The following CES4A variants were observed in gnomAD, a reference collection of about 807,000 sequenced individuals.
The protein encoded by CES4A is carboxylesterase 4A.
CES4A carries 48 observed loss-of-function variants against 65.4 expected under a neutral mutation model. That is an observed-to-expected ratio of 0.73 (90% CI 0.58 to 0.93). The LOEUF (loss-of-function observed/expected upper bound fraction) is 0.93, where lower values mean the gene tolerates loss of function less well. CES4A is among the 40% of genes least tolerant of loss of function. CES4A has a pLI of 0.00. For missense variants in CES4A, 685 were observed against 728.5 expected (o/e 0.94, Z 0.69); for synonymous variants, 247 against 281.8 (o/e 0.88, Z 1.24).
At chr16:67,002,040 G>A (rs920741207) in intron 5 of CES4A, among the ~76,000 whole-genome samples, 5 of 152,194 alleles carry the variant, frequency 3.3e-5, no homozygotes, top group Admixed American at 1.3e-4. Context: ...CTTATGTGTC[G>A]TCATCCATGT....
chr16:67,001,609 C>T lies in CES4A; in HGVS notation c.690+148C>T. The T allele has an allele frequency of 1.1e-6, 1 of 919,380 alleles. No homozygotes were observed. Among genetic ancestry groups the T allele is most frequent in the Non-Finnish European group, 1.6e-6 (1 of 630,460 alleles). The allele number at this position is 919,380 out of a possible 1,614,324, so 57.0% of individuals were successfully genotyped here. On this transcript the variant is annotated intron_variant, in intron 5 of 13. Coordinates refer to ENST00000648724, the Ensembl canonical transcript of CES4A. This position sits in a 1 kb window ranked among gnomAD's most constrained non-coding sequence, Gnocchi z 4.1. Reference sequence around the variant, plus strand: ...GCTCTCGCCCCTGCCAAGGGTACAGCCCCTCATAGCCAAGGATGTCTCCTC... The same window carrying T: ...GCTCTCGCCCCTGCCAAGGGTACAGTCCCTCATAGCCAAGGATGTCTCCTC...
Position 67,005,480 on chromosome 16 carries a change from C to G in CES4A, c.1315+87C>G, listed in dbSNP as rs550014978. On this transcript the variant is annotated intron_variant, in intron 11 of 13. Transcript: ENST00000648724. ...CCAACTGGGCTTATCGACTGCTCCC[C>G]TACCCTCTCTGTACTTCTGGGCTAG... 19 of 1,273,724 alleles carry G rather than the reference C, an allele frequency of 1.5e-5. No individual in the cohort carries two copies. In the East Asian group the frequency reaches 1.9e-4, roughly 13 times the overall value. 78.9% of individuals were successfully genotyped at this position (1,273,724 alleles called of 1,614,324 possible). A position where few individuals can be genotyped will look rare whatever the true frequency, so the allele number is the denominator to read the frequency against.
chr16:67,001,400 G>A lies in CES4A; in HGVS notation c.629G>A (p.Gly210Glu), dbSNP rs1382020064. ...CAGGAGAACATCGCAGCCTTCGGGG[G>A]AGACCCAGGAAATGTGACCCTGTTC... Residue 210 changes from glycine (G) to glutamate (E), a missense_variant, in exon 5 of 14, where the codon GGA becomes GAA. Coordinates refer to ENST00000648724, the Ensembl canonical transcript of CES4A. The surrounding 1 kb of genome is among the most constrained non-coding windows in gnomAD (Gnocchi z 4.1). 1 of 1,613,748 alleles carries A rather than the reference G, an allele frequency of 6.2e-7. No individual in the cohort carries two copies. Among genetic ancestry groups the A allele is most frequent in the Non-Finnish European group, 8.5e-7 (1 of 1,179,898 alleles).
chr16:67,007,351 C>G (rs1965845455), intron 13 of CES4A: 1 of 152,324 alleles, frequency 6.6e-6, no homozygotes, highest in Non-Finnish European at 1.5e-5. Context: ...TCCCAGCTCA[C>G]TGCAATCTCC....
chr16:67,000,383 C>A lies in CES4A; in HGVS notation c.261-255C>A. Reference sequence around the variant, plus strand: ...AGGCAGGTTCCTGCCTTGACAGCACCAACAGGAGCAGGAATCTCTCCACGG... The same window carrying A: ...AGGCAGGTTCCTGCCTTGACAGCACAAACAGGAGCAGGAATCTCTCCACGG... On this transcript the variant is annotated intron_variant, in intron 2 of 13. Transcript: ENST00000648724. This position sits in a 1 kb window ranked among gnomAD's most constrained non-coding sequence, Gnocchi z 4.2. 1 of 784,858 alleles carries A rather than the reference C, an allele frequency of 1.3e-6. No individual in the cohort carries two copies. The highest frequency in any genetic ancestry group is 1.5e-6 in the Non-Finnish European group (1 of 647,106). 48.6% of individuals were successfully genotyped at this position (784,858 alleles called of 1,614,324 possible).
intron 12 of CES4A, 88 bp from the exon 13 acceptor site, chr16:67,006,657 C>A: frequency 6.5e-7 from 1 of 1,543,436 alleles, no homozygotes; most frequent in Non-Finnish European, 8.9e-7. Flanking sequence ...AAGTCTTCTG[C>A]TCCGGAAGCA....
intron 1 of CES4A, among the ~76,000 whole-genome samples, chr16:66,994,817 C>CGATAGAG: frequency 7.5e-6 from 1 of 133,990 alleles, no homozygotes; most frequent in Non-Finnish European, 1.5e-5. Flanking sequence ...CCAGCCTGGG[C>CGATAGAG]AAAAACAGCG....
intron 11 of CES4A, 62 bp downstream of exon 11, chr16:67,005,455 C>T: frequency 6.5e-7 from 1 of 1,529,092 alleles, no homozygotes; most frequent in Non-Finnish European, 8.9e-7. Context: ...GTGCTGTTTA[C>T]CAACTGGGCT....
At position 67,003,396 on chromosome 16, in the gene CES4A, C is replaced by T. The variant is rs1229798840; in HGVS notation, c.900+36C>T. 1 of 1,604,748 alleles carries T rather than the reference C, an allele frequency of 6.2e-7. No individual in the cohort carries two copies. Among genetic ancestry groups the T allele is most frequent in the Non-Finnish European group, 8.5e-7 (1 of 1,171,754 alleles). On this transcript the variant is annotated intron_variant, in intron 7 of 13. Coordinates refer to ENST00000648724, the Ensembl canonical transcript of CES4A. This position sits in a 1 kb window ranked among gnomAD's most constrained non-coding sequence, Gnocchi z 4.2. ...CATTCCAGCTGCCTGACCTGGCTGCCTGAGGGCCATCCTCCTATCCTGGTA... is the reference window on the plus strand; with the variant it reads ...CATTCCAGCTGCCTGACCTGGCTGCTTGAGGGCCATCCTCCTATCCTGGTA...
intron 1 of CES4A, among the ~76,000 whole-genome samples, chr16:66,993,265 A>G (rs1370262140): frequency 6.6e-6 from 1 of 152,208 alleles, no homozygotes; most frequent in Non-Finnish European, 1.5e-5. Context: ...TCACCTATGT[A>G]CAACTGCACT....
chr16:67,004,318 C>T, intron 9 of CES4A, 94 bp downstream of exon 9: 1 of 1,401,966 alleles, frequency 7.1e-7, no homozygotes, highest in Non-Finnish European at 9.9e-7. Flanking sequence ...TGCTGGGCAC[C>T]AGGTCAGATG....
chr16:67,005,079 G>T, intron 10 of CES4A, 161 bp from the exon 11 acceptor site: 1 of 825,244 alleles, frequency 1.2e-6, no homozygotes, highest in Non-Finnish European at 2.0e-6. Flanking sequence ...AAAATCAGGG[G>T]TTACAATCAG....
exon 14 of CES4A, chr16:67,009,133 G>A (rs1965996246): frequency 2.5e-6 from 4 of 1,612,736 alleles, no homozygotes; most frequent in Non-Finnish European, 3.4e-6. Flanking sequence ...AGAAGCAGAG[G>A]CAATTCTAAG....
intron 9 of CES4A, 128 bp downstream of exon 9, chr16:67,004,352 C>T: frequency 9.7e-7 from 1 of 1,034,698 alleles, no homozygotes; most frequent in African/African-American, 1.6e-5. Context: ...TGTGGATGCC[C>T]TATGTTTGGG....
At chr16:67,004,823 A>T (rs2145654000) in exon 10 of CES4A, 1 of 1,536,080 alleles carries the variant, frequency 6.5e-7, no homozygotes, top group South Asian at 1.2e-5. Context: ...CCGGCAGGCG[A>T]TGAGAAAGGA....
In CES4A at chr16:67,003,155, AC is replaced by A. The variant is rs1965487192; in HGVS notation, c.779del (p.Pro260HisfsTer2). The A allele has an allele frequency of 6.2e-7, 1 of 1,613,922 alleles. No individual in the cohort carries two copies. Among genetic ancestry groups the A allele is most frequent in the African/African-American group, 1.3e-5 (1 of 74,894 alleles). On this transcript the variant is annotated frameshift_variant, in exon 6 of 14. Coordinates refer to ENST00000648724, the Ensembl canonical transcript of CES4A. LOFTEE classifies it high-confidence loss of function. This position sits in a 1 kb window ranked among gnomAD's most constrained non-coding sequence, Gnocchi z 4.2. Reference sequence around the variant, plus strand: ...TTATTCAGACTTTTCATCACTAGTAACCCACTGAAAGTGGCCAAGGTGAGTG... The same window carrying A: ...TTATTCAGACTTTTCATCACTAGTAACCACTGAAAGTGGCCAAGGTGAGTG...
rs772637227 is a variant in CES4A at position 67,004,906 on chromosome 16, C to T, written c.1161+33C>T. On this transcript the variant is annotated intron_variant, in intron 10 of 13. Coordinates refer to ENST00000648724, the Ensembl canonical transcript of CES4A. ...ACCCAGCTGGCAGGGGTGCTCAGTT[C>T]GGACAGGGTTGACCCCCCTGTTTTT... 30 of 1,497,578 alleles carry T rather than the reference C, an allele frequency of 2.0e-5. No homozygotes were observed. The Admixed American group carries it at 3.1e-4, about 16-fold the overall frequency. The allele number at this position is 1,497,578 out of a possible 1,614,324, so 92.8% of individuals were successfully genotyped here. A position where few individuals can be genotyped will look rare whatever the true frequency, so the allele number is the denominator to read the frequency against.
At chr16:66,988,635 G>C (rs377689847) in exon 1 of CES4A, 1 of 1,485,244 alleles carries the variant, frequency 6.7e-7, no homozygotes, top group East Asian at 2.5e-5. Context: ...AATTCCTCCC[G>C]CCCCAGTACT....
At chr16:66,998,451 T>C (rs534711312) in intron 2 of CES4A, among the ~76,000 whole-genome samples, 2 of 151,982 alleles carry the variant, frequency 1.3e-5, no homozygotes, top group African/African-American at 4.8e-5. Flanking sequence ...TTATCCGGTG[T>C]GATGGTGCGT....
Sources: allele counts gnomAD v4.1 joint callset (sites outside exome capture counted in the v4.1 genomes callset), GRCh38; gene constraint gnomAD v4.1.1; non-coding constraint Gnocchi (gnomAD v3.1); transcripts MANE v1.5; gene names NCBI Gene and HGNC (gene_info 2026-07-23, HGNC 2026-07-21).